Variants in DAW1 observed in about 807,000 individuals in gnomAD.
The protein encoded by DAW1 is dynein assembly factor with WD repeat domains 1.
Under a neutral mutation model 56.5 loss-of-function variants are expected in DAW1, and 47 were observed. The ratio of observed to expected loss-of-function variants is 0.83; its 90% CI spans 0.66 to 1.06. DAW1 has a LOEUF of 1.06. Ranked by LOEUF, DAW1 falls within the 50% of genes least tolerant of loss-of-function variation. The probability of loss-of-function intolerance (pLI) is 0.00; values close to 1 mark genes in which losing one functional copy is unlikely to be tolerated. For missense variants in DAW1, 505 were observed against 499.3 expected (o/e 1.01, Z -0.11); for synonymous variants, 190 against 179.0 (o/e 1.06, Z -0.49).
chr2:227,879,204 C>A (rs370541158), intron 1 of DAW1, among the ~76,000 whole-genome samples: 1 of 152,200 alleles, frequency 6.6e-6, no homozygotes, highest in African/African-American at 2.4e-5. Context: ...AGCCACCTAA[C>A]ACGTGACAGT....
At chr2:227,917,116 C>G (rs1691968593) in intron 10 of DAW1, among the ~76,000 whole-genome samples, 1 of 92,116 alleles carries the variant, frequency 1.1e-5, no homozygotes, top group Non-Finnish European at 2.1e-5. Flanking sequence ...ATGACAGTAT[C>G]TATCTATCTA....
At chr2:227,886,610 CTG>C (rs771761886) in intron 2 of DAW1, among the ~76,000 whole-genome samples, 6 of 152,054 alleles carry the variant, frequency 3.9e-5, no homozygotes, top group Non-Finnish European at 8.8e-5. Context: ...AAGTGAGACT[CTG>C]TCTTTAAAAA....
chr2:227,914,266 A>G (rs989116254), intron 10 of DAW1, among the ~76,000 whole-genome samples: 14 of 152,026 alleles, frequency 9.2e-5, no homozygotes, highest in Admixed American at 3.3e-4. Context: ...TCTGACCATA[A>G]TGTATGATGC....
chr2:227,901,909 G>C (rs924198095), intron 6 of DAW1, among the ~76,000 whole-genome samples: 23 of 152,190 alleles, frequency 1.5e-4, no homozygotes, highest in African/African-American at 5.5e-4. Context: ...TCTCCCCTAG[G>C]TGTACAGGGA....
chr2:227,908,254 A>G (rs910685425), intron 10 of DAW1, among the ~76,000 whole-genome samples: 2 of 151,852 alleles, frequency 1.3e-5, no homozygotes, highest in Non-Finnish European at 2.9e-5. Flanking sequence ...GTTTTCATCT[A>G]CTCCTTTAAA....
chr2:227,899,819 A>G (rs1403209311), intron 6 of DAW1, among the ~76,000 whole-genome samples: 1 of 152,186 alleles, frequency 6.6e-6, no homozygotes, highest in Non-Finnish European at 1.5e-5. Flanking sequence ...GGAACAAGAT[A>G]CCTAGAACAG....
chr2:227,899,399 G>C, intron 6 of DAW1, among the ~76,000 whole-genome samples: 1 of 152,090 alleles, frequency 6.6e-6, no homozygotes. Context: ...ACAAATAGAA[G>C]GTACTCACTT....
At chr2:227,908,642 A>C (rs933941603) in intron 10 of DAW1, among the ~76,000 whole-genome samples, 3 of 152,220 alleles carry the variant, frequency 2.0e-5, no homozygotes, top group Admixed American at 2.0e-4. Flanking sequence ...CCTGAAAAAC[A>C]TGTGTTAACA....
At chr2:227,917,142 A>ATCTATCTATCTATCTATCTATCTG (rs1162712241) in intron 10 of DAW1, among the ~76,000 whole-genome samples, 9 of 138,462 alleles carry the variant, frequency 6.5e-5, no homozygotes, top group East Asian at 2.2e-4. Flanking sequence ...CTATCTATCT[A>ATCTATCTATCTATCTATCTATCTG]TCTGTCTGTC....
At chr2:227,901,411 G>T (rs141417841) in intron 6 of DAW1, among the ~76,000 whole-genome samples, 241 of 152,264 alleles carry the variant, frequency 1.6e-3, no homozygotes, top group African/African-American at 5.7e-3. Context: ...TTTGGGACTG[G>T]AACTGAGCAG....
Position 227,891,394 on chromosome 2 carries a change from G to A in DAW1, c.317+81G>A. 6.7e-6 allele frequency: 8 copies of A among 1,192,070 alleles called. No individual in the cohort carries two copies. The South Asian group carries it at 8.9e-5, about 13-fold the overall frequency. The allele number at this position is 1,192,070 out of a possible 1,614,324, so 73.8% of individuals were successfully genotyped here. A position where few individuals can be genotyped will look rare whatever the true frequency, so the allele number is the denominator to read the frequency against. ...TTTATCAAAGATTCCAGTTAGATAA[G>A]TACATAATATATTCATTTTTCTGAT... On this transcript the variant is annotated intron_variant, in intron 4 of 12. Coordinates refer to ENST00000309931, the MANE Select transcript of DAW1 (RefSeq NM_178821.3).
intron 6 of DAW1, among the ~76,000 whole-genome samples, chr2:227,900,050 T>C (rs1007618533): frequency 2.0e-5 from 3 of 152,214 alleles, no homozygotes; most frequent in Non-Finnish European, 4.4e-5. Flanking sequence ...TGACTGGAAA[T>C]ACTGCAGTGA....
intron 10 of DAW1, among the ~76,000 whole-genome samples, chr2:227,907,965 T>C (rs1574665483): frequency 6.6e-6 from 1 of 152,234 alleles, no homozygotes; most frequent in East Asian, 1.9e-4. Context: ...GTCTACTGCA[T>C]CTTTGTGATA....
intron 4 of DAW1, 134 bp downstream of exon 4, chr2:227,891,447 A>T (rs914756036): frequency 3.6e-5 from 26 of 717,470 alleles, no homozygotes; most frequent in Non-Finnish European, 4.2e-5. Context: ...TACTGAGGAG[A>T]AATATAAACC....
At chr2:227,915,084 C>A (rs1691920436) in intron 10 of DAW1, among the ~76,000 whole-genome samples, 3 of 152,024 alleles carry the variant, frequency 2.0e-5, no homozygotes. Flanking sequence ...TTGACAAAAA[C>A]ATATGGTGCC....
At chr2:227,904,849 C>T in intron 7 of DAW1, 80 bp from the exon 8 acceptor site, 1 of 1,350,894 alleles carries the variant, frequency 7.4e-7, no homozygotes, top group Non-Finnish European at 1.0e-6. Flanking sequence ...TCCAGCATTT[C>T]CTTTTAGACT....
At chr2:227,917,262 GTTTCT>G (rs1691975858) in intron 10 of DAW1, among the ~76,000 whole-genome samples, 2 of 124,500 alleles carry the variant, frequency 1.6e-5, no homozygotes, top group African/African-American at 5.6e-5. Flanking sequence ...TGATTTTTTT[GTTTCT>G]TTTTTTTTTT....
At chr2:227,922,139 T>C (rs1310933592) in intron 12 of DAW1, among the ~76,000 whole-genome samples, 1 of 152,112 alleles carries the variant, frequency 6.6e-6, no homozygotes, top group East Asian at 1.9e-4. Context: ...GGTGACAGAG[T>C]AAGACCCTGT....
Position 227,905,049 on chromosome 2 carries a change from C to G in DAW1, c.755+14C>G. The G allele has an allele frequency of 1.9e-6, 3 of 1,603,790 alleles. No homozygotes were observed. Among genetic ancestry groups the G allele is most frequent in the Non-Finnish European group, 2.6e-6 (3 of 1,173,020 alleles). ...TGATACTGGAAGGTAATTCTTAGTT[C>G]TTAAGAATTGTTTTAACCTGGATCA... On this transcript the variant is annotated intron_variant, in intron 8 of 12. Coordinates refer to ENST00000309931, the MANE Select transcript of DAW1 (RefSeq NM_178821.3).
Sources: allele counts gnomAD v4.1 joint callset (sites outside exome capture counted in the v4.1 genomes callset), GRCh38; gene constraint gnomAD v4.1.1; transcripts MANE v1.5; gene names NCBI Gene and HGNC (gene_info 2026-07-23, HGNC 2026-07-21).